HEG1: variants seen among roughly 807,000 people sequenced by gnomAD.
HEG1 encodes protein HEG homolog 1.
In HEG1, 56 loss-of-function variants were observed where a neutral mutation model predicts 125.6. That is an observed-to-expected ratio of 0.45 (90% confidence interval 0.36 to 0.56). The LOEUF (loss-of-function observed/expected upper bound fraction) is 0.56. HEG1 is among the 20% of genes least tolerant of loss of function. HEG1 has a pLI of 0.00. For missense variants in HEG1, 1,523 were observed against 1,670.0 expected (o/e 0.91, Z 1.53); for synonymous variants, 644 against 668.5 (o/e 0.96, Z 0.57).
rs1402245859 is a variant in HEG1 at position 124,968,806 on chromosome 3, A to G, written c.*1846T>C. 6.6e-6 allele frequency: 1 copy of G among 152,258 alleles called. No homozygotes were observed. Among genetic ancestry groups the G allele is most frequent in the Non-Finnish European group, 1.5e-5 (1 of 68,060 alleles). The allele number at this position is 152,258 out of a possible 1,614,324, so 9.4% of individuals were successfully genotyped here. On this transcript the variant is annotated 3_prime_UTR_variant, in exon 17 of 17. Coordinates refer to ENST00000311127, the MANE Select transcript of HEG1 (RefSeq NM_020733.2). Reference sequence around the variant, plus strand: ...GCGAGGCCGTGAGCCACAAAGGGCCATTGGTTCTACAGAGAGAGAGGCCCA... The same window carrying G: ...GCGAGGCCGTGAGCCACAAAGGGCCGTTGGTTCTACAGAGAGAGAGGCCCA...
chr3:125,018,828 G>T (rs1937290839), intron 5 of HEG1, among the ~76,000 whole-genome samples: 1 of 148,378 alleles, frequency 6.7e-6, no homozygotes, highest in African/African-American at 2.5e-5. Context: ...AGGAAGGAAG[G>T]TGGAGGGGCC....
intron 1 of HEG1, among the ~76,000 whole-genome samples, chr3:125,052,776 T>C (rs1279690768): frequency 1.3e-5 from 2 of 152,102 alleles, no homozygotes; most frequent in Non-Finnish European, 2.9e-5. Context: ...GTGCAAAAGC[T>C]TAACAATGGC....
chr3:125,016,243 C>A (rs559051718), intron 5 of HEG1, among the ~76,000 whole-genome samples: 109 of 152,228 alleles, frequency 7.2e-4, no homozygotes, highest in African/African-American at 2.5e-3. Context: ...GAAAAGGGAG[C>A]GGGCCAAGAA....
intron 5 of HEG1, among the ~76,000 whole-genome samples, chr3:125,014,281 G>C (rs1937208636): frequency 6.6e-6 from 1 of 152,086 alleles, no homozygotes; most frequent in Non-Finnish European, 1.5e-5. Flanking sequence ...AAATGGAGAG[G>C]AGTTGCAAAT....
At chr3:124,977,044 G>A (rs893705568) in intron 15 of HEG1, among the ~76,000 whole-genome samples, 2 of 151,706 alleles carry the variant, frequency 1.3e-5, no homozygotes, top group Non-Finnish European at 2.9e-5. Context: ...GAATCATGGG[G>A]GTGGGTCTTT....
At chr3:125,023,844 C>T (rs141410053) in intron 3 of HEG1, among the ~76,000 whole-genome samples, 16 of 152,302 alleles carry the variant, frequency 1.1e-4, no homozygotes, top group Admixed American at 1.0e-3. Context: ...AATGCCTACT[C>T]GTCTGCTAAA....
intron 1 of HEG1, among the ~76,000 whole-genome samples, chr3:125,048,870 G>T (rs1349085693): frequency 6.6e-6 from 1 of 152,162 alleles, no homozygotes; most frequent in Non-Finnish European, 1.5e-5. Flanking sequence ...TGCCAAAAAA[G>T]AATCACGGTA....
At chr3:124,984,728 C>T (rs1210678013) in intron 14 of HEG1, among the ~76,000 whole-genome samples, 1 of 152,038 alleles carries the variant, frequency 6.6e-6, no homozygotes, top group Non-Finnish European at 1.5e-5. Flanking sequence ...TACTGCACTC[C>T]AGCCTGGGCA....
Position 125,013,882 on chromosome 3 carries a change from C to G in HEG1, c.1697G>C (p.Arg566Pro). ...GTTATCTGTAATGGACAGTAACGCCCGTTCTCCTTTGGTGAAAGTAGATGA... is the reference window on the plus strand; with the variant it reads ...GTTATCTGTAATGGACAGTAACGCCGGTTCTCCTTTGGTGAAAGTAGATGA... Reference protein sequence around the residue: ...YLSSTFTKGERALLSITDNSS... With the variant: ...YLSSTFTKGEPALLSITDNSS... The change falls in exon 6 of 17, where the codon CGG (arginine) becomes CCG (proline). Residue 566 changes from arginine to proline, a missense_variant. Coordinates refer to ENST00000311127, the MANE Select transcript of HEG1 (RefSeq NM_020733.2). 1 of 1,613,616 alleles carries G rather than the reference C, an allele frequency of 6.2e-7. No individual in the cohort carries two copies. Among genetic ancestry groups the G allele is most frequent in the Non-Finnish European group, 8.5e-7 (1 of 1,179,856 alleles).
chr3:124,987,924 TAC>T (rs67009322), intron 14 of HEG1, among the ~76,000 whole-genome samples: 29,243 of 68,008 alleles, frequency 0.43, 6,277 homozygotes, highest in Admixed American at 0.47. Flanking sequence ...TATATATGTG[TAC>T]ACACACACAC....
chr3:125,010,383 G>T, intron 7 of HEG1, 56 bp downstream of exon 7: 3 of 1,072,684 alleles, frequency 2.8e-6, no homozygotes, highest in Non-Finnish European at 1.4e-6. Flanking sequence ...GGAGTTTATT[G>T]GGTAGCCCAA....
chr3:125,013,300 G>A lies in HEG1; in HGVS notation c.2279C>T (p.Thr760Ile), dbSNP rs1264340883. Reference sequence around the variant, plus strand: ...TGTCATGAATGATGTCATTGTTGATGTCTGAAATGAAGTCACAGGAGTCTC... The same window carrying A: ...TGTCATGAATGATGTCATTGTTGATATCTGAAATGAAGTCACAGGAGTCTC... ...ARETPVTSFQ[T>I]STMTSFMTML... Residue 760 changes from threonine (T) to isoleucine (I), a missense_variant, in exon 6 of 17, where the codon ACA (threonine) becomes ATA (isoleucine). Thr to Ile is a moderately conservative substitution (Grantham distance 89). Coordinates refer to ENST00000311127, the MANE Select transcript of HEG1 (RefSeq NM_020733.2). 1 of 1,614,010 alleles carries A rather than the reference G, an allele frequency of 6.2e-7. No individual in the cohort carries two copies. The highest frequency in any genetic ancestry group is 2.2e-5 in the East Asian group (1 of 44,890).
At chr3:124,979,013 C>T (rs552633977) in intron 14 of HEG1, among the ~76,000 whole-genome samples, 52 of 150,882 alleles carry the variant, frequency 3.4e-4, no homozygotes, top group Admixed American at 3.2e-3. Flanking sequence ...TGCAATGGTG[C>T]GATCCCGGCT....
intron 14 of HEG1, among the ~76,000 whole-genome samples, chr3:124,978,700 T>G (rs1461563729): frequency 6.6e-6 from 1 of 152,004 alleles, no homozygotes; most frequent in African/African-American, 2.4e-5. Flanking sequence ...GTAAATCTGA[T>G]TTTTATTAAA....
At chr3:125,036,484 T>A (rs2107710373) in intron 1 of HEG1, among the ~76,000 whole-genome samples, 1 of 152,330 alleles carries the variant, frequency 6.6e-6, no homozygotes, top group Non-Finnish European at 1.5e-5. Flanking sequence ...TTATACAATC[T>A]ATTTGATTTT....
At chr3:125,039,108 G>T (rs577084107) in intron 1 of HEG1, among the ~76,000 whole-genome samples, 1 of 151,970 alleles carries the variant, frequency 6.6e-6, no homozygotes, top group East Asian at 1.9e-4. Context: ...CCTGTGCTGG[G>T]CCATAACTTT....
At chr3:125,032,972 G>C (rs978105752) in intron 1 of HEG1, among the ~76,000 whole-genome samples, 1 of 152,110 alleles carries the variant, frequency 6.6e-6, no homozygotes, top group East Asian at 1.9e-4. Context: ...GAGGGGAAAA[G>C]AATGGCCACA....
chr3:125,009,426 T>C (rs1937118613), intron 8 of HEG1: 1 of 213,434 alleles, frequency 4.7e-6, no homozygotes, highest in African/African-American at 2.3e-5. Flanking sequence ...GTACAATGTT[T>C]TTAACAACAC....
At chr3:124,973,657 A>G (rs1936484051) in intron 16 of HEG1, 74 bp downstream of exon 16, 1 of 1,222,956 alleles carries the variant, frequency 8.2e-7, no homozygotes. Flanking sequence ...TGCTTTTACT[A>G]CAACAAAACA....
Sources: gnomAD v4.1 joint callset for allele counts (sites outside exome capture counted in the v4.1 genomes callset) on GRCh38, gnomAD v4.1.1 for gene constraint, MANE v1.5 for transcripts, NCBI Gene and HGNC (gene_info 2026-07-23, HGNC 2026-07-21) for gene names.